RASEF: variants seen among roughly 807,000 people sequenced by gnomAD.
RASEF encodes the protein RAS and EF-hand domain containing.
RASEF carries 68 observed loss-of-function variants against 90.1 expected under a neutral mutation model. The observed-to-expected ratio is 0.75, with a 90% CI of 0.62 to 0.92. RASEF has a LOEUF of 0.92. Among genes scored for constraint, RASEF ranks in the 40% least tolerant of loss-of-function variants. The pLI is 0.00. For missense variants in RASEF, 949 were observed against 937.2 expected (o/e 1.01, Z -0.16); for synonymous variants, 331 against 345.2 (o/e 0.96, Z 0.46).
the RASEF span, among the ~76,000 whole-genome samples, chr9:83,137,895 T>C: frequency 6.6e-6 from 1 of 152,006 alleles, no homozygotes; most frequent in Non-Finnish European, 1.5e-5. Flanking sequence ...CAAATTATGT[T>C]TCTTAAAGAG....
At chr9:83,103,084 A>G in the RASEF span, among the ~76,000 whole-genome samples, 3 of 152,170 alleles carry the variant, frequency 2.0e-5, no homozygotes, top group Non-Finnish European at 2.9e-5. Context: ...AAAAGAAGGG[A>G]TCCTCTGCTC....
At chr9:83,025,686 G>T in intron 2 of RASEF, 89 bp downstream of exon 2, 2 of 1,310,944 alleles carry the variant, frequency 1.5e-6, no homozygotes, top group Non-Finnish European at 2.1e-6. Flanking sequence ...ATATCATAGT[G>T]TGACAATGCA....
At chr9:83,186,120 C>T in the RASEF span, among the ~76,000 whole-genome samples, 1 of 152,120 alleles carries the variant, frequency 6.6e-6, no homozygotes, top group Non-Finnish European at 1.5e-5. Flanking sequence ...ACGGGAGTGG[C>T]TGTGTTTCTG....
At chr9:83,046,383 C>CT (rs947903113) in intron 1 of RASEF, among the ~76,000 whole-genome samples, 1 of 152,008 alleles carries the variant, frequency 6.6e-6, no homozygotes, top group Non-Finnish European at 1.5e-5. Flanking sequence ...ACCATTCCTA[C>CT]TTTTTTTTCC....
chr9:83,078,666 GAA>G, the RASEF span, among the ~76,000 whole-genome samples: 5 of 133,352 alleles, frequency 3.7e-5, no homozygotes, highest in South Asian at 2.3e-4. Context: ...CCTGTCTAAA[GAA>G]AAAAAAAAAG....
At chr9:82,999,298 C>A (rs936513738) in intron 12 of RASEF, among the ~76,000 whole-genome samples, 5 of 152,124 alleles carry the variant, frequency 3.3e-5, no homozygotes, top group Admixed American at 6.5e-5. Context: ...ATGATTTTGA[C>A]CATAATGACA....
the RASEF span, among the ~76,000 whole-genome samples, chr9:83,179,620 G>A: frequency 1.8e-3 from 281 of 152,286 alleles, no homozygotes; most frequent in African/African-American, 6.2e-3. Context: ...ATCGACCACA[G>A]TGCCTATAGT....
chr9:83,136,732 C>T, the RASEF span, among the ~76,000 whole-genome samples: 1 of 152,170 alleles, frequency 6.6e-6, no homozygotes, highest in Non-Finnish European at 1.5e-5. Flanking sequence ...CTCATTTAAT[C>T]ATTTGTATTA....
chr9:83,073,856 A>G, the RASEF span, among the ~76,000 whole-genome samples: 1 of 152,222 alleles, frequency 6.6e-6, no homozygotes, highest in South Asian at 2.1e-4. Flanking sequence ...GAAAATACCA[A>G]TATTTAAAGT....
At chr9:83,150,400 G>A in the RASEF span, among the ~76,000 whole-genome samples, 1 of 152,062 alleles carries the variant, frequency 6.6e-6, no homozygotes, top group Admixed American at 6.6e-5. Context: ...CTATCTATGG[G>A]CCCACGAAGA....
At position 82,982,542 on chromosome 9, in the gene RASEF, G is replaced by A. The variant is rs557326203; in HGVS notation, c.*135C>T. The A allele has an allele frequency of 1.6e-6, 1 of 635,828 alleles. No individual in the cohort carries two copies. Among genetic ancestry groups the A allele is most frequent in the Non-Finnish European group, 2.9e-6 (1 of 348,344 alleles). The allele number at this position is 635,828 out of a possible 1,614,324, so 39.4% of individuals were successfully genotyped here. On this transcript the variant is annotated 3_prime_UTR_variant, in exon 17 of 17. Transcript: ENST00000376447. ...AAAGTTCCAGAGGGACCTGAGAGCT[G>A]GGTTCAGGTTTCCTGCACTGTAACT...
chr9:82,996,093 C>T (rs982803239), intron 14 of RASEF, among the ~76,000 whole-genome samples: 1 of 152,158 alleles, frequency 6.6e-6, no homozygotes, highest in African/African-American at 2.4e-5. Flanking sequence ...CTGTCAAAGT[C>T]TTACTGCCAA....
At chr9:83,042,493 A>G (rs367975741) in intron 1 of RASEF, among the ~76,000 whole-genome samples, 69 of 152,306 alleles carry the variant, frequency 4.5e-4, no homozygotes, top group African/African-American at 1.6e-3. Flanking sequence ...AAAATAATAT[A>G]ACTCCATGTT....
chr9:83,079,568 G>A, the RASEF span, among the ~76,000 whole-genome samples: 5 of 152,066 alleles, frequency 3.3e-5, no homozygotes, highest in Admixed American at 2.6e-4. Flanking sequence ...TGACCCAAAC[G>A]CCTCCCACCA....
At chr9:83,093,312 T>C in the RASEF span, among the ~76,000 whole-genome samples, 237 of 152,192 alleles carry the variant, frequency 1.6e-3, 2 homozygotes, top group African/African-American at 5.2e-3. Flanking sequence ...GCTCAGCCCT[T>C]GGGTGGTGAT....
At chr9:82,997,913 C>T (rs1164481852) in intron 13 of RASEF, among the ~76,000 whole-genome samples, 1 of 152,168 alleles carries the variant, frequency 6.6e-6, no homozygotes, top group Non-Finnish European at 1.5e-5. Flanking sequence ...GTGCTTAATG[C>T]TCTGCTTATC....
chr9:83,066,565 G>A (rs1319362062), upstream of RASEF, among the ~76,000 whole-genome samples: 1 of 152,204 alleles, frequency 6.6e-6, no homozygotes, highest in African/African-American at 2.4e-5. Context: ...AACAGAGCAG[G>A]CTTTGAGAGC....
At chr9:83,063,395 A>G (rs1483347078), upstream of RASEF, among the ~76,000 whole-genome samples, 4 of 152,246 alleles carry the variant, frequency 2.6e-5, no homozygotes, top group East Asian at 5.8e-4. Flanking sequence ...CGCGCGCGTC[A>G]GAAGCTAACC....
At chr9:82,992,763 C>T in intron 15 of RASEF, 143 bp downstream of exon 15, 1 of 742,628 alleles carries the variant, frequency 1.3e-6, no homozygotes. Context: ...GGCAGTTTTG[C>T]CTGTGTTAAG....
Sources: allele counts gnomAD v4.1 joint callset (sites outside exome capture counted in the v4.1 genomes callset), GRCh38; gene constraint gnomAD v4.1.1; transcripts MANE v1.5; gene names NCBI Gene and HGNC (gene_info 2026-07-23, HGNC 2026-07-21).